Variants in TPTE observed in about 807,000 individuals in gnomAD.
TPTE encodes the protein putative tyrosine-protein phosphatase TPTE.
A neutral mutation model predicts 84.1 loss-of-function variants in TPTE; 59 were observed. That is an observed-to-expected ratio of 0.70 (90% CI 0.57 to 0.87). TPTE has a LOEUF of 0.87. TPTE is among the 40% of genes least tolerant of loss of function. The pLI, the probability that TPTE is intolerant of heterozygous loss-of-function variation, is 0.00. For synonymous variants in TPTE, 130 were observed against 223.5 expected (o/e 0.58, Z 3.73); for missense variants, 382 against 659.6 (o/e 0.58, Z 4.61).
Position 10,543,090 on chromosome 21 carries a change from C to T in TPTE, c.120-239C>T, listed in dbSNP as rs540362827. 5.5e-4 allele frequency among the ~76,000 whole-genome samples: 61 copies of T among 110,894 alleles called. 1 individual carries two copies. Among genetic ancestry groups the T allele is most frequent in the Admixed American group, 7.7e-4 (6 of 7,832 alleles). The allele number at this position is 110,894 out of a possible 152,430, so 72.8% of individuals were successfully genotyped here. On this transcript the variant is annotated intron_variant, in intron 6 of 23. Transcript: ENST00000618007. ...CAGGCCGGACTGCGGACTGCAGTGG[C>T]GCAATCTCGGCTCACTGCAAGCTCT... is the stretch of plus-strand genomic sequence containing the variant.
chr21:10,528,413 T>C (rs1360294811), intron 3 of TPTE, among the ~76,000 whole-genome samples: 1 of 152,304 alleles, frequency 6.6e-6, no homozygotes, highest in Non-Finnish European at 1.5e-5. Flanking sequence ...ACACTGATTC[T>C]AAAATTCTTT....
At chr21:10,566,564 T>C (rs1233351458) in intron 10 of TPTE, among the ~76,000 whole-genome samples, 3 of 152,312 alleles carry the variant, frequency 2.0e-5, no homozygotes, top group African/African-American at 7.2e-5. Flanking sequence ...TCCCTTTTTG[T>C]TGCAGCACTG....
chr21:10,579,711 A>T (rs1460442639), intron 17 of TPTE, among the ~76,000 whole-genome samples: 1 of 152,312 alleles, frequency 6.6e-6, no homozygotes, highest in African/African-American at 2.4e-5. Flanking sequence ...CTCGAGTGAC[A>T]GGATCTCCTC....
At chr21:10,535,765 T>C (rs536221795) in intron 3 of TPTE, among the ~76,000 whole-genome samples, 1 of 152,428 alleles carries the variant, frequency 6.6e-6, no homozygotes, top group African/African-American at 2.4e-5. Context: ...CCTCACCTTC[T>C]AGCGTTCTAC....
rs371532483 is a variant in TPTE at position 10,552,337 on chromosome 21, A to G, written c.174-320A>G. ...CCCACAATGTCTTTGAGATATGTCT[A>G]CACACATATTATTTATATATTATAT... On this transcript the variant is annotated intron_variant, in intron 7 of 23. Coordinates refer to ENST00000618007, the MANE Select transcript of TPTE (RefSeq NM_199261.4). Among the ~76,000 whole-genome samples, 57 of 152,402 alleles carry G rather than the reference A, an allele frequency of 3.7e-4. No homozygotes were observed. The East Asian group carries it at 6.4e-3, about 17-fold the overall frequency.
chr21:10,534,428 C>T (rs2074232693), intron 3 of TPTE, among the ~76,000 whole-genome samples: 2 of 152,304 alleles, frequency 1.3e-5, no homozygotes, highest in Non-Finnish European at 2.9e-5. Context: ...TTCCAAATGG[C>T]TAAATTGCAT....
intron 17 of TPTE, among the ~76,000 whole-genome samples, chr21:10,585,719 G>A (rs1050565591): frequency 1.3e-5 from 2 of 152,310 alleles, no homozygotes; most frequent in South Asian, 2.1e-4. Flanking sequence ...ACGCACATTG[G>A]CCTAGAGTTT....
chr21:10,565,592 C>T lies in TPTE; in HGVS notation c.447-2078C>T, dbSNP rs577257135. ...GAACAAAGCTGGAGGAATCACATTA[C>T]CTGACTTCAAATTATACTACAGAAC... On this transcript the variant is annotated intron_variant, in intron 10 of 23. Transcript: ENST00000618007. 2.0e-5 allele frequency among the ~76,000 whole-genome samples: 3 copies of T among 152,418 alleles called. No individual in the cohort carries two copies. In the South Asian group the frequency reaches 6.2e-4, roughly 32 times the overall value.
At chr21:10,566,685 A>G (rs938534778) in intron 10 of TPTE, among the ~76,000 whole-genome samples, 1 of 152,306 alleles carries the variant, frequency 6.6e-6, no homozygotes. Context: ...TAAAAAAACA[A>G]TAAGAACCCG....
At chr21:10,536,689 T>G (rs1283904913) in intron 3 of TPTE, among the ~76,000 whole-genome samples, 2 of 152,306 alleles carry the variant, frequency 1.3e-5, no homozygotes, top group Non-Finnish European at 2.9e-5. Flanking sequence ...TTACACTGTT[T>G]ATAAACCTCC....
At chr21:10,559,966 G>T (rs890905915) in intron 9 of TPTE, among the ~76,000 whole-genome samples, 5 of 151,772 alleles carry the variant, frequency 3.3e-5, no homozygotes, top group Non-Finnish European at 7.4e-5. Context: ...ACTTCAATGA[G>T]AAATACTGAA....
At chr21:10,545,243 C>G (rs1319181412) in intron 7 of TPTE, among the ~76,000 whole-genome samples, 2 of 152,304 alleles carry the variant, frequency 1.3e-5, no homozygotes, top group African/African-American at 2.4e-5. Flanking sequence ...TGGTAAAATT[C>G]ATTCACAAAT....
At chr21:10,541,305 C>G (rs1203814136) in intron 5 of TPTE, 140 bp downstream of exon 5, 4 of 1,188,526 alleles carry the variant, frequency 3.4e-6, no homozygotes, top group Non-Finnish European at 4.7e-6. Context: ...AACCCTGTCT[C>G]TACTAAAACT....
chr21:10,591,128 C>A (rs1314340501), intron 18 of TPTE, among the ~76,000 whole-genome samples: 1 of 152,306 alleles, frequency 6.6e-6, no homozygotes, highest in Non-Finnish European at 1.5e-5. Flanking sequence ...AAAGCCTCTC[C>A]TGAATGTAAA....
At chr21:10,597,238 T>TA (rs1363057958) in intron 20 of TPTE, among the ~76,000 whole-genome samples, 8 of 152,414 alleles carry the variant, frequency 5.2e-5, no homozygotes, top group Non-Finnish European at 1.0e-4. Context: ...TGGATATAAC[T>TA]ATCGTATATT....
At chr21:10,526,350 G>A (rs1445149781) in intron 2 of TPTE, among the ~76,000 whole-genome samples, 1 of 152,308 alleles carries the variant, frequency 6.6e-6, no homozygotes, top group Non-Finnish European at 1.5e-5. Flanking sequence ...GTGCTTAAAG[G>A]TTGGAGCTAT....
intron 23 of TPTE, among the ~76,000 whole-genome samples, chr21:10,605,125 T>G (rs1399901245): frequency 2.4e-4 from 36 of 152,380 alleles, no homozygotes; most frequent in Non-Finnish European, 4.4e-5. Flanking sequence ...TCCTGACTGA[T>G]TTCTGTCACA....
Position 10,545,189 on chromosome 21 carries a change from A to C in TPTE, c.173+1807A>C, listed in dbSNP as rs2074442703. Among the ~76,000 whole-genome samples, 5 of 152,362 alleles carry C rather than the reference A, an allele frequency of 3.3e-5. No individual in the cohort carries two copies. The South Asian group carries it at 8.3e-4, about 25-fold the overall frequency. ...TGGTAGAGTCATCAATGATGGGTGA[A>C]ATTTCAAAATACGGAGAGAAAGAAG... On this transcript the variant is annotated intron_variant, in intron 7 of 23. Coordinates refer to ENST00000618007, the MANE Select transcript of TPTE (RefSeq NM_199261.4).
intron 4 of TPTE, among the ~76,000 whole-genome samples, chr21:10,539,494 C>A (rs539694500): frequency 1.3e-5 from 2 of 152,308 alleles, no homozygotes; most frequent in Non-Finnish European, 1.5e-5. Context: ...GAATGCCTAC[C>A]CAGTGGAGTT....
Sources: gnomAD v4.1 joint callset for allele counts (sites outside exome capture counted in the v4.1 genomes callset) on GRCh38, gnomAD v4.1.1 for gene constraint, MANE v1.5 for transcripts, NCBI Gene and HGNC (gene_info 2026-07-23, HGNC 2026-07-21) for gene names.